PHACTR2: variants seen among roughly 807,000 people sequenced by gnomAD.
PHACTR2 encodes the protein chromosome 6 open reading frame 56.
In PHACTR2, 30 loss-of-function variants were observed where a neutral mutation model predicts 76.0. That is an observed-to-expected ratio of 0.39 (90% CI 0.30 to 0.54). The LOEUF (loss-of-function observed/expected upper bound fraction) is 0.54, where lower values mean the gene tolerates loss of function less well. Ranked by LOEUF, PHACTR2 falls within the 20% of genes least tolerant of loss-of-function variation. The pLI is 0.61. For missense variants in PHACTR2, 696 were observed against 781.1 expected, an observed-to-expected ratio of 0.89 and a Z score of 1.30; for synonymous variants, 292 against 292.5, an observed-to-expected ratio of 1.00 and a Z score of 0.02.
rs1489835710 is a variant in PHACTR2 at position 143,561,362 on chromosome 6, C to T, written c.217+24155C>T. 6.6e-6 allele frequency: 1 copy of T among 152,180 alleles called. No homozygotes were observed. The highest frequency in any genetic ancestry group is 1.5e-5 in the Non-Finnish European group (1 of 68,056). The allele number at this position is 152,180 out of a possible 1,614,324, so 9.4% of individuals were successfully genotyped here. A position where few individuals can be genotyped will look rare whatever the true frequency, so the allele number is the denominator to read the frequency against. On this transcript the variant is annotated intron_variant, in intron 1 of 11. Transcript: ENST00000367584. This position sits in a 1 kb window ranked among gnomAD's most constrained non-coding sequence, Gnocchi z 4.1. ...GAGCCCAGAAGATTAGGTTGTTGCT[C>T]AATGTTTGTTGAATGAATAACTGAA...
Position 143,822,159 on chromosome 6 carries a change from C to T in PHACTR2, c.1923-1515C>T, listed in dbSNP as rs1021745677. On this transcript the variant is annotated intron_variant, in intron 12 of 12. Coordinates refer to ENST00000440869, the MANE Select transcript of PHACTR2 (RefSeq NM_001100164.2). The surrounding 1 kb of genome is among the most constrained non-coding windows in gnomAD (Gnocchi z 5.5). ...ACTTTCTGAAAAGCCTTACTTGCTA[C>T]TCCAGGAACTTTAAATTTTATTTTG... Among the ~76,000 whole-genome samples the T allele has an allele frequency of 7.2e-5, 11 of 152,278 alleles. No individual in the cohort carries two copies. Among genetic ancestry groups the T allele is most frequent in the African/African-American group, 2.6e-4 (11 of 41,566 alleles).
intron 1 of PHACTR2, among the ~76,000 whole-genome samples, chr6:143,576,592 AG>A (rs1775515844): frequency 6.6e-6 from 1 of 152,150 alleles, no homozygotes; most frequent in Non-Finnish European, 1.5e-5. Flanking sequence ...TTGTTTGAAG[AG>A]GGGCTGGGAG....
In PHACTR2 at chr6:143,800,846, T is replaced by C. The variant is rs920266523; in HGVS notation, c.1846-6211T>C. The stretch of plus-strand genomic sequence containing the variant: ...CAGTGGCTGGGACTGGTTGTTCCTT[T>C]CCACGTTTAGTGCTTCCTTCAGGAG... On this transcript the variant is annotated intron_variant, in intron 11 of 12. Coordinates refer to ENST00000440869, the MANE Select transcript of PHACTR2 (RefSeq NM_001100164.2). The surrounding 1 kb of genome is among the most constrained non-coding windows in gnomAD (Gnocchi z 4.8). Among the ~76,000 whole-genome samples the C allele has an allele frequency of 3.9e-5, 6 of 152,222 alleles. No homozygotes were observed. Among genetic ancestry groups the C allele is most frequent in the African/African-American group, 1.4e-4 (6 of 41,462 alleles).
intron 1 of PHACTR2, among the ~76,000 whole-genome samples, chr6:143,587,720 A>G (rs1052440398): frequency 1.3e-5 from 2 of 152,108 alleles, no homozygotes; most frequent in African/African-American, 4.8e-5. Context: ...GGGTTATTGA[A>G]AGTAAAATAT....
chr6:143,737,746 CT>C (rs1363183180), intron 2 of PHACTR2, among the ~76,000 whole-genome samples: 1 of 152,196 alleles, frequency 6.6e-6, no homozygotes, highest in Non-Finnish European at 1.5e-5. Flanking sequence ...TCAGTTGAAA[CT>C]ACCCATTTTC....
At position 143,547,170 on chromosome 6, in the gene PHACTR2, G is replaced by A. The variant is rs113572047; in HGVS notation, c.217+9963G>A. Reference sequence around the variant, plus strand: ...CATTATAATCTTATTAGGCAAAACAGTGTTCAACAAAAGTTTTGTGACTAA... The same window carrying A: ...CATTATAATCTTATTAGGCAAAACAATGTTCAACAAAAGTTTTGTGACTAA... On this transcript the variant is annotated intron_variant, in intron 1 of 11. Transcript: ENST00000367584. This position sits in a 1 kb window ranked among gnomAD's most constrained non-coding sequence, Gnocchi z 4.2. 3.9e-5 allele frequency among the ~76,000 whole-genome samples: 6 copies of A among 152,144 alleles called. No homozygotes were observed. Among genetic ancestry groups the A allele is most frequent in the African/African-American group, 1.4e-4 (6 of 41,434 alleles).
intron 1 of PHACTR2, among the ~76,000 whole-genome samples, chr6:143,640,536 A>C (rs540078398): frequency 6.6e-6 from 1 of 152,338 alleles, no homozygotes; most frequent in East Asian, 1.9e-4. Flanking sequence ...GGTGAAGCAG[A>C]CCTCACAGAA....
chr6:143,603,720 C>T (rs999363051), upstream of PHACTR2, among the ~76,000 whole-genome samples: 2 of 152,098 alleles, frequency 1.3e-5, no homozygotes, highest in Non-Finnish European at 2.9e-5. Context: ...GGTTTAGTAC[C>T]TTGGAGAGCT....
intron 2 of PHACTR2, among the ~76,000 whole-genome samples, chr6:143,732,468 A>G (rs945328214): frequency 2.0e-5 from 3 of 152,238 alleles, no homozygotes; most frequent in Admixed American, 6.5e-5. Flanking sequence ...TCATTTCATT[A>G]TCAAATACCA....
rs768667480 is a variant in PHACTR2, at chr6:143,788,935, T to C, written c.1845+25T>C. On this transcript the variant is annotated intron_variant, in intron 11 of 12. Transcript: ENST00000440869. ...GGCAAGAATCCCAGTGGATTTTGTG[T>C]TGATTGTATTGCTTTTCTGGAAGCT... is the stretch of plus-strand genomic sequence containing the variant. 10 of 1,592,480 alleles carry C rather than the reference T, an allele frequency of 6.3e-6. No individual in the cohort carries two copies. The Admixed American group carries it at 1.7e-4, about 27-fold the overall frequency.
chr6:143,552,856 C>T (rs1481755041), intron 1 of PHACTR2, among the ~76,000 whole-genome samples: 1 of 146,446 alleles, frequency 6.8e-6, no homozygotes, highest in African/African-American at 2.5e-5. Flanking sequence ...GCACTCCAGC[C>T]TTGGCAACTG....
chr6:143,752,586 T>G (rs1365278060), intron 3 of PHACTR2, among the ~76,000 whole-genome samples: 1 of 152,194 alleles, frequency 6.6e-6, no homozygotes, highest in Non-Finnish European at 1.5e-5. Context: ...AAGCAACGAT[T>G]GCTTTTTCAT....
chr6:143,650,195 C>A (rs1263591430), intron 1 of PHACTR2, among the ~76,000 whole-genome samples: 1 of 152,018 alleles, frequency 6.6e-6, no homozygotes, highest in African/African-American at 2.4e-5. Flanking sequence ...AGAGATGACA[C>A]CAAAAAATGG....
chr6:143,795,517 T>C lies in PHACTR2; in HGVS notation c.1845+6607T>C, dbSNP rs1775804494. ...GTAAAATAGAGATGGCCTGGTTTCC[T>C]GCACTGAGGTAGATAGACGAGCTGG... On this transcript the variant is annotated intron_variant, in intron 11 of 12. Transcript: ENST00000440869. This position sits in a 1 kb window ranked among gnomAD's most constrained non-coding sequence, Gnocchi z 4.8. Among the ~76,000 whole-genome samples the C allele has an allele frequency of 6.6e-6, 1 of 152,246 alleles. No homozygotes were observed. Among genetic ancestry groups the C allele is most frequent in the Admixed American group, 6.5e-5 (1 of 15,290 alleles).
Position 143,617,856 on chromosome 6 carries a change from G to C in PHACTR2, c.13+9534G>C, listed in dbSNP as rs190370605. Among the ~76,000 whole-genome samples, 1,125 of 152,308 alleles carry C rather than the reference G, an allele frequency of 7.4e-3. 19 individuals carry two copies. Among genetic ancestry groups the C allele is most frequent in the African/African-American group, 0.024 (1,006 of 41,558 alleles). On this transcript the variant is annotated intron_variant, in intron 1 of 11. Transcript: ENST00000305766. The surrounding 1 kb of genome is among the most constrained non-coding windows in gnomAD (Gnocchi z 4.8). ...TCCACCCTTGTGGAGTCTGTAGACTGGATCAAAGAAGGTGGTTACGGAGAG... is the reference window on the plus strand; with the variant it reads ...TCCACCCTTGTGGAGTCTGTAGACTCGATCAAAGAAGGTGGTTACGGAGAG...
Position 143,791,315 on chromosome 6 carries a change from T to C in PHACTR2, c.1845+2405T>C, listed in dbSNP as rs1471586227. Among the ~76,000 whole-genome samples, 1 of 152,212 alleles carries C rather than the reference T, an allele frequency of 6.6e-6. No individual in the cohort carries two copies. Among genetic ancestry groups the C allele is most frequent in the African/African-American group, 2.4e-5 (1 of 41,454 alleles). Reference sequence around the variant, plus strand: ...TCTAACCTAAGATAGACTCTCCAGATCATTAATTTTCATCCTTCCTTACTT... The same window carrying C: ...TCTAACCTAAGATAGACTCTCCAGACCATTAATTTTCATCCTTCCTTACTT... On this transcript the variant is annotated intron_variant, in intron 11 of 12. Coordinates refer to ENST00000440869, the MANE Select transcript of PHACTR2 (RefSeq NM_001100164.2). This position sits in a 1 kb window ranked among gnomAD's most constrained non-coding sequence, Gnocchi z 4.7.
rs1314920151 is a variant in PHACTR2 at position 143,556,690 on chromosome 6, C to G, written c.217+19483C>G. On this transcript the variant is annotated intron_variant, in intron 1 of 11. Transcript: ENST00000367584. This position sits in a 1 kb window ranked among gnomAD's most constrained non-coding sequence, Gnocchi z 4.3. ...CTGCTATCAGATTTGAACCTCTCAG[C>G]TCACAGGGTGCTAACTAGAGGAGAA... is the stretch of plus-strand genomic sequence containing the variant. Among the ~76,000 whole-genome samples, 1 of 152,196 alleles carries G rather than the reference C, an allele frequency of 6.6e-6. No individual in the cohort carries two copies. Among genetic ancestry groups the G allele is most frequent in the East Asian group, 1.9e-4 (1 of 5,202 alleles).
chr6:143,564,181 G>GTGCATATATATATATA (rs1554287823), intron 1 of PHACTR2, among the ~76,000 whole-genome samples: 6 of 56,268 alleles, frequency 1.1e-4, no homozygotes, highest in Non-Finnish European at 2.2e-4. Context: ...ATGTGTGTGT[G>GTGCATATATATATATA]TATGTGTGTG....
At position 143,750,981 on chromosome 6, in the gene PHACTR2, T is replaced by A. The variant is rs12207527; in HGVS notation, c.295+1916T>A. On this transcript the variant is annotated intron_variant, in intron 3 of 12. Transcript: ENST00000440869. This position sits in a 1 kb window ranked among gnomAD's most constrained non-coding sequence, Gnocchi z 4.6. ...GGATGTCAGTAGTAAATGGAGTCCT[T>A]CCCCTTTTCAGCTGAGGGCTGGAGA... 3.3e-5 allele frequency among the ~76,000 whole-genome samples: 5 copies of A among 152,172 alleles called. No homozygotes were observed. The East Asian group carries it at 5.8e-4, about 18-fold the overall frequency.
Sources: allele counts gnomAD v4.1 joint callset (sites outside exome capture counted in the v4.1 genomes callset), GRCh38; gene constraint gnomAD v4.1.1; non-coding constraint Gnocchi (gnomAD v3.1); transcripts MANE v1.5; gene names NCBI Gene and HGNC (gene_info 2026-07-23, HGNC 2026-07-21).